Variants in USP6NL observed in about 807,000 individuals in gnomAD.
The protein encoded by USP6NL is USP6 N-terminal like, also known as USP6 N-terminal-like protein.
USP6NL carries 26 observed loss-of-function variants against 61.9 expected under a neutral mutation model. The observed-to-expected ratio is 0.42, with a 90% CI of 0.31 to 0.58. The LOEUF (loss-of-function observed/expected upper bound fraction) is 0.58, where lower values mean the gene tolerates loss of function less well. Among genes scored for constraint, USP6NL ranks in the 20% least tolerant of loss-of-function variants. The pLI, the probability that USP6NL is intolerant of heterozygous loss-of-function variation, is 0.16. For missense variants in USP6NL, 1,114 were observed against 1,034.3 expected (o/e 1.08, Z -1.06); for synonymous variants, 432 against 390.1 (o/e 1.11, Z -1.27).
chr10:11,607,910 C>A (rs918101874), intron 1 of USP6NL, among the ~76,000 whole-genome samples: 1 of 152,184 alleles, frequency 6.6e-6, no homozygotes, highest in Non-Finnish European at 1.5e-5. Flanking sequence ...CAGCAAGACA[C>A]AGGTGCAATG....
At chr10:11,555,415 T>TAAAAAAAAAAAAA (rs558901276) in intron 2 of USP6NL, among the ~76,000 whole-genome samples, 7 of 26,868 alleles carry the variant, frequency 2.6e-4, no homozygotes, top group South Asian at 2.7e-3. Context: ...AACTCGGTCT[T>TAAAAAAAAAAAAA]AAAAAAAAAA....
Position 11,544,697 on chromosome 10 carries a change from C to T in USP6NL, c.5-17130G>A, listed in dbSNP as rs148657804. 2.1e-3 allele frequency among the ~76,000 whole-genome samples: 316 copies of T among 152,194 alleles called. 1 individual carries two copies. Among genetic ancestry groups the T allele is most frequent in the African/African-American group, 7.0e-3 (290 of 41,514 alleles). ...AGAGACGGGGTTTTGCCCCGTTGGGCAGGCTGGTCTCAAACTCCTTACCTC... is the reference window on the plus strand; with the variant it reads ...AGAGACGGGGTTTTGCCCCGTTGGGTAGGCTGGTCTCAAACTCCTTACCTC... On this transcript the variant is annotated intron_variant, in intron 2 of 14. Transcript: ENST00000609104.
At chr10:11,547,487 C>T (rs908551589) in intron 2 of USP6NL, among the ~76,000 whole-genome samples, 2 of 152,004 alleles carry the variant, frequency 1.3e-5, no homozygotes, top group Non-Finnish European at 2.9e-5. Flanking sequence ...TCCTGCCCAG[C>T]TCATAAAATT....
At chr10:11,570,852 T>C (rs1400667738) in intron 2 of USP6NL, among the ~76,000 whole-genome samples, 2 of 152,198 alleles carry the variant, frequency 1.3e-5, no homozygotes, top group African/African-American at 2.4e-5. Flanking sequence ...CGGTGAAAGT[T>C]TGTTGTTCCA....
At chr10:11,467,317 A>C (rs1832513753) in intron 14 of USP6NL, among the ~76,000 whole-genome samples, 1 of 152,252 alleles carries the variant, frequency 6.6e-6, no homozygotes, top group South Asian at 2.1e-4. Flanking sequence ...AAGTTATCAG[A>C]AAAATGCAAA....
At chr10:11,471,651 A>G (rs947576360) in intron 14 of USP6NL, among the ~76,000 whole-genome samples, 4 of 152,182 alleles carry the variant, frequency 2.6e-5, no homozygotes, top group Non-Finnish European at 5.9e-5. Flanking sequence ...CAGCCATAAA[A>G]AATAATGAGT....
intron 2 of USP6NL, among the ~76,000 whole-genome samples, chr10:11,584,115 T>C (rs945850211): frequency 6.6e-6 from 1 of 151,736 alleles, no homozygotes; most frequent in Non-Finnish European, 1.5e-5. Context: ...TTCAGGAGGC[T>C]GAGGTGGGAG....
chr10:11,593,345 A>T lies in USP6NL; in HGVS notation c.4+4286T>A, dbSNP rs556160221. Among the ~76,000 whole-genome samples the T allele has an allele frequency of 4.6e-5, 7 of 152,298 alleles. No homozygotes were observed. The East Asian group carries it at 1.3e-3, about 29-fold the overall frequency. ...CTTTTGTGTTTTGGTGTTTTCACTT[A>T]GTTTTTTTTAAAATATATTCTACCA... On this transcript the variant is annotated intron_variant, in intron 2 of 14. Transcript: ENST00000609104.
intron 1 of USP6NL, among the ~76,000 whole-genome samples, chr10:11,605,056 C>A (rs573130026): frequency 1.8e-4 from 28 of 152,076 alleles, no homozygotes; most frequent in Admixed American, 1.5e-3. Flanking sequence ...TATGTGTATT[C>A]CTTATTTAAA....
At position 11,587,313 on chromosome 10, in the gene USP6NL, T is replaced by A. The variant is rs1403175255; in HGVS notation, c.4+10318A>T. Among the ~76,000 whole-genome samples the A allele has an allele frequency of 6.6e-6, 1 of 152,230 alleles. No homozygotes were observed. Among genetic ancestry groups the A allele is most frequent in the African/African-American group, 2.4e-5 (1 of 41,456 alleles). On this transcript the variant is annotated intron_variant, in intron 2 of 14. Transcript: ENST00000609104. The surrounding 1 kb of genome is among the most constrained non-coding windows in gnomAD (Gnocchi z 4.5). Reference sequence around the variant, plus strand: ...CCTAAAATATTTTAAGAAATTAATTTATAGTATCATGTGTCTCAAAGTTGT... The same window carrying A: ...CCTAAAATATTTTAAGAAATTAATTAATAGTATCATGTGTCTCAAAGTTGT...
Position 11,476,757 on chromosome 10 carries a change from AACT to A in USP6NL, c.1078+5010_1078+5012del, listed in dbSNP as rs1391341894. Among the ~76,000 whole-genome samples the A allele has an allele frequency of 2.0e-5, 3 of 152,224 alleles. No individual in the cohort carries two copies. The highest frequency in any genetic ancestry group is 4.4e-5 in the Non-Finnish European group (3 of 68,048). On this transcript the variant is annotated intron_variant, in intron 14 of 14. Coordinates refer to ENST00000609104, the MANE Select transcript of USP6NL (RefSeq NM_014688.5). This position sits in a 1 kb window ranked among gnomAD's most constrained non-coding sequence, Gnocchi z 4.3. Reference sequence around the variant, plus strand: ...TATGTAGATTATAACAATGATAAAAAACTACATGTCAAAAAAACATAGACATGA... The same window carrying A: ...TATGTAGATTATAACAATGATAAAAAACATGTCAAAAAAACATAGACATGA...
intron 2 of USP6NL, among the ~76,000 whole-genome samples, chr10:11,556,271 AG>A (rs1458566826): frequency 1.3e-5 from 2 of 152,236 alleles, no homozygotes; most frequent in African/African-American, 4.8e-5. Context: ...AATGTAATCT[AG>A]GGTAACACTA....
rs1381454869 is a variant in USP6NL, at chr10:11,499,298, T to C, written c.384+1803A>G. Among the ~76,000 whole-genome samples, 1 of 152,230 alleles carries C rather than the reference T, an allele frequency of 6.6e-6. No homozygotes were observed. The highest frequency in any genetic ancestry group is 1.5e-5 in the Non-Finnish European group (1 of 68,038). ...TTGAAAATCATAGGCTTGAAGGTAC[T>C]GGCAGGCAAGTCATTCTTTTGTTGT... On this transcript the variant is annotated intron_variant, in intron 7 of 14. Transcript: ENST00000609104. This position sits in a 1 kb window ranked among gnomAD's most constrained non-coding sequence, Gnocchi z 4.5.
At chr10:11,505,424 TAGAA>T (rs1378647434) in intron 6 of USP6NL, among the ~76,000 whole-genome samples, 1 of 152,152 alleles carries the variant, frequency 6.6e-6, no homozygotes, top group African/African-American at 2.4e-5. Flanking sequence ...AATTAGGACA[TAGAA>T]AGGTTAGGTA....
chr10:11,470,421 G>A lies in USP6NL; in HGVS notation c.1079-6572C>T, dbSNP rs571472228. Among the ~76,000 whole-genome samples, 153 of 152,266 alleles carry A rather than the reference G, an allele frequency of 1.0e-3. 2 individuals are homozygous for A. The highest frequency in any genetic ancestry group is 3.4e-3 in the African/African-American group (142 of 41,556). On this transcript the variant is annotated intron_variant, in intron 14 of 14. Coordinates refer to ENST00000609104, the MANE Select transcript of USP6NL (RefSeq NM_014688.5). This position sits in a 1 kb window ranked among gnomAD's most constrained non-coding sequence, Gnocchi z 5.4. ...ATCTCCTTGACTTCATTACAGAGGC[G>A]GTTCCTTTCTAGAGATTAATTATTC...
intron 5 of USP6NL, among the ~76,000 whole-genome samples, chr10:11,515,839 G>A (rs189596458): frequency 5.9e-5 from 9 of 152,102 alleles, no homozygotes; most frequent in Non-Finnish European, 1.3e-4. Context: ...AAAAAGAAAC[G>A]TGTCTTTTTA....
rs1352474424 is a variant in USP6NL, at chr10:11,589,272, A to G, written c.4+8359T>C. Among the ~76,000 whole-genome samples the G allele has an allele frequency of 1.3e-5, 2 of 152,224 alleles. No homozygotes were observed. Among genetic ancestry groups the G allele is most frequent in the African/African-American group, 4.8e-5 (2 of 41,448 alleles). On this transcript the variant is annotated intron_variant, in intron 2 of 14. Transcript: ENST00000609104. This position sits in a 1 kb window ranked among gnomAD's most constrained non-coding sequence, Gnocchi z 4.7. ...CACTTAGCATGTAAATTTCTGTTATATTAGTTAAAACAACAAATTTAAGCA... is the reference window on the plus strand; with the variant it reads ...CACTTAGCATGTAAATTTCTGTTATGTTAGTTAAAACAACAAATTTAAGCA...
At chr10:11,555,776 C>A (rs1406696499) in intron 2 of USP6NL, among the ~76,000 whole-genome samples, 2 of 152,046 alleles carry the variant, frequency 1.3e-5, no homozygotes, top group Non-Finnish European at 2.9e-5. Flanking sequence ...AAGAAAAAGA[C>A]AACCTTCAAA....
chr10:11,480,073 G>T (rs1397015006), intron 14 of USP6NL, among the ~76,000 whole-genome samples: 1 of 152,178 alleles, frequency 6.6e-6, no homozygotes, highest in African/African-American at 2.4e-5. Context: ...ATCAGAGCAT[G>T]ATTCTGCTAT....
Sources: allele counts gnomAD v4.1 joint callset (sites outside exome capture counted in the v4.1 genomes callset), GRCh38; gene constraint gnomAD v4.1.1; non-coding constraint Gnocchi (gnomAD v3.1); transcripts MANE v1.5; gene names NCBI Gene and HGNC (gene_info 2026-07-23, HGNC 2026-07-21).